The following MUC12 variants were observed in gnomAD, a reference collection of about 807,000 sequenced individuals.
MUC12 encodes mucin 12, cell surface associated.
Under a neutral mutation model 230.8 loss-of-function variants are expected in MUC12, and 172 were observed. The observed-to-expected ratio is 0.75, with a 90% confidence interval of 0.66 to 0.85. MUC12 has a LOEUF of 0.85. Among genes scored for constraint, MUC12 ranks in the 40% least tolerant of loss-of-function variants. The pLI, the probability that MUC12 is intolerant of heterozygous loss-of-function variation, is 0.00. For synonymous variants in MUC12, 1,259 were observed against 2,401.9 expected (o/e 0.52, Z 13.91); for missense variants, 3,506 against 5,920.6 (o/e 0.59, Z 13.38).
In MUC12 at chr7:101,013,067, G is replaced by C. The variant is rs534697731; in HGVS notation, c.15563G>C (p.Cys5188Ser). 6.5e-7 allele frequency: 1 copy of C among 1,537,362 alleles called. No individual in the cohort carries two copies. The highest frequency in any genetic ancestry group is 1.2e-5 in the South Asian group (1 of 84,068). ...LDGKLACVNK[C>S]TKGTKSQMNC... ...GGGAAGCTGGCCTGTGTGAACAAGTGCACCAAAGGAACGAAGTCGCAAATG... is the reference window on the plus strand; with the variant it reads ...GGGAAGCTGGCCTGTGTGAACAAGTCCACCAAAGGAACGAAGTCGCAAATG... The change falls in exon 8 of 12, where the codon TGC (cysteine) becomes TCC (serine). Residue 5188 changes from cysteine to serine, a missense_variant. Coordinates refer to ENST00000536621, the MANE Select transcript of MUC12 (RefSeq NM_001164462.2).
intron 7 of MUC12, 33 bp from the exon 8 acceptor site, chr7:101,012,947 G>A: frequency 1.3e-6 from 2 of 1,537,270 alleles, no homozygotes; most frequent in Non-Finnish European, 1.7e-6. Context: ...GCTTTGGCCA[G>A]GCTCATGCAT....
chr7:101,009,291 A>T (rs1267400578), intron 5 of MUC12, 132 bp downstream of exon 5: 4 of 875,982 alleles, frequency 4.6e-6, no homozygotes, highest in Non-Finnish European at 7.2e-6. Flanking sequence ...CCGCTAGGGA[A>T]CACTGGGGGC....
rs1198622226 is a variant in MUC12 at position 100,992,481 on chromosome 7, T to A, written c.1918T>A (p.Ser640Thr). The A allele has an allele frequency of 1.3e-6, 2 of 1,537,850 alleles. No individual in the cohort carries two copies. Among genetic ancestry groups the A allele is most frequent in the Non-Finnish European group, 1.7e-6 (2 of 1,147,024 alleles). ...TACCACATTCCATAGCTGGCCAAGC[T>A]CAAAGGACACTAGGCCTGCACCTCC... ...ESTTFHSWPS[S>T]KDTRPAPPTT... The change falls in exon 2 of 12, where the codon TCA becomes ACA. Residue 640 changes from serine (S) to threonine (T), a missense_variant. Physicochemically the swap from Ser to Thr is moderately conservative, Grantham distance 58. Transcript: ENST00000536621.
intron 1 of MUC12, among the ~76,000 whole-genome samples, chr7:100,971,181 C>CTAA: frequency 9.6e-6 from 1 of 104,212 alleles, no homozygotes; most frequent in African/African-American, 4.8e-5. Flanking sequence ...AAGAAACAAA[C>CTAA]AAAAAAAAAA....
chr7:101,004,911 C>T lies in MUC12; in HGVS notation c.14348C>T (p.Ala4783Val), dbSNP rs756234412. 4 of 1,537,766 alleles carry T rather than the reference C, an allele frequency of 2.6e-6. No homozygotes were observed. Among genetic ancestry groups the T allele is most frequent in the Non-Finnish European group, 3.5e-6 (4 of 1,147,020 alleles). The change falls in exon 2 of 12, where the codon GCC becomes GTC. Residue 4783 changes from alanine to valine, a missense_variant. Transcript: ENST00000536621. Reference protein sequence around the residue: ...AESTHTTAFPASTTTSGLSQE... With the variant: ...AESTHTTAFPVSTTTSGLSQE... ...TCAACACACACAACAGCGTTCCCTGCCAGCACCACCACCTCAGGCCTCAGT... is the reference window on the plus strand; with the variant it reads ...TCAACACACACAACAGCGTTCCCTGTCAGCACCACCACCTCAGGCCTCAGT...
chr7:101,012,220 C>T (rs895213390), intron 5 of MUC12, 76 bp from the exon 6 acceptor site: 1 of 1,483,664 alleles, frequency 6.7e-7, no homozygotes, highest in African/African-American at 1.4e-5. Flanking sequence ...TCTCCCATTA[C>T]CACTCTGGGT....
intron 3 of MUC12, among the ~76,000 whole-genome samples, chr7:101,007,825 T>C (rs1028651722): frequency 2.0e-5 from 3 of 152,134 alleles, no homozygotes; most frequent in African/African-American, 7.2e-5. Context: ...AGAGATGGAG[T>C]CTTGCTCTGT....
chr7:100,983,254 TA>T lies in MUC12; in HGVS notation c.68-7375del, dbSNP rs957188231. Among the ~76,000 whole-genome samples the T allele has an allele frequency of 4.3e-4, 66 of 151,802 alleles. 1 individual carries two copies. The highest frequency in any genetic ancestry group is 1.5e-3 in the African/African-American group (62 of 41,452). On this transcript the variant is annotated intron_variant, in intron 1 of 11. Coordinates refer to ENST00000536621, the MANE Select transcript of MUC12 (RefSeq NM_001164462.2). ...GTCCAACATGGCAAAACCACGTCTC[TA>T]ATAAAAATACAAAAAGTAGCCGGGT...
In MUC12 at chr7:101,008,655, C is replaced by T. The variant is rs1459193472; in HGVS notation, c.15080C>T (p.Ala5027Val). 10 of 1,537,126 alleles carry T rather than the reference C, an allele frequency of 6.5e-6. No individual in the cohort carries two copies. In the African/African-American group the frequency reaches 1.1e-4, roughly 17 times the overall value. Residue 5027 changes from alanine (A) to valine (V), a missense_variant, in exon 4 of 12, where the codon GCC (alanine) becomes GTC (valine). Physicochemically the swap from Ala to Val is moderately conservative, Grantham distance 64. Coordinates refer to ENST00000536621, the MANE Select transcript of MUC12 (RefSeq NM_001164462.2). Reference protein sequence around the residue: ...FPVETPEKLNATLGMTVKVTY... With the variant: ...FPVETPEKLNVTLGMTVKVTY... The stretch of plus-strand genomic sequence containing the variant: ...ACAGAAACCCCGGAAAAACTCAACG[C>T]CACTTTAGGTATGACAGTGAAAGTG...
In MUC12 at chr7:100,991,445, C is replaced by A. The variant is rs1343092691; in HGVS notation, c.882C>A (p.Thr294=). 1 of 1,537,700 alleles carries A rather than the reference C, an allele frequency of 6.5e-7. No homozygotes were observed. The highest frequency in any genetic ancestry group is 1.2e-5 in the South Asian group (1 of 84,068). The part of the protein sequence containing the change: ...SKDTSPAPSG[T]TSAFVKLSTT... ...ACACTTCGCCTGCACCTTCTGGTAC[C>A]ACATCAGCCTTTGTTAAACTATCTA... Residue 294 remains threonine (T), a synonymous_variant, in exon 2 of 12, where the codon ACC becomes ACA. Coordinates refer to ENST00000536621, the MANE Select transcript of MUC12 (RefSeq NM_001164462.2).
At chr7:100,972,136 A>G in intron 1 of MUC12, 1 of 703,560 alleles carries the variant, frequency 1.4e-6, no homozygotes, top group Non-Finnish European at 2.6e-6. Context: ...GCTGTTCACA[A>G]AGCCATTTCC....
At position 101,013,039 on chromosome 7, in the gene MUC12, G is replaced by A. The variant is rs2116359468; in HGVS notation, c.15535G>A (p.Asp5179Asn). ...CCAGTTCTACTATGTGGATGTCTTGGATGGGAAGCTGGCCTGTGTGAACAA... is the reference window on the plus strand; with the variant it reads ...CCAGTTCTACTATGTGGATGTCTTGAATGGGAAGCTGGCCTGTGTGAACAA... ...YTQFYYVDVL[D>N]GKLACVNKCT... The change falls in exon 8 of 12, where the codon GAT (aspartate) becomes AAT (asparagine). Residue 5179 changes from aspartate to asparagine, a missense_variant. Physicochemically the swap from Asp to Asn is conservative, Grantham distance 23. Transcript: ENST00000536621. 1 of 1,537,376 alleles carries A rather than the reference G, an allele frequency of 6.5e-7. No homozygotes were observed. The highest frequency in any genetic ancestry group is 8.7e-7 in the Non-Finnish European group (1 of 1,146,930).
Position 100,971,011 on chromosome 7 carries a change from C to T in MUC12, c.67+1322C>T, listed in dbSNP as rs531085605. On this transcript the variant is annotated intron_variant, in intron 1 of 11. Transcript: ENST00000536621. The stretch of plus-strand genomic sequence containing the variant: ...CTCCGTCTCAAAAAAAAAAAATTAG[C>T]TGGGCATGGTGGCACACGCCTGTAG... Among the ~76,000 whole-genome samples the T allele has an allele frequency of 1.4e-3, 207 of 151,592 alleles. 1 individual carries two copies. The highest frequency in any genetic ancestry group is 2.5e-3 in the Non-Finnish European group (169 of 67,978).
intron 1 of MUC12, among the ~76,000 whole-genome samples, chr7:100,989,942 C>T (rs1793253012): frequency 6.6e-6 from 1 of 152,172 alleles, no homozygotes; most frequent in African/African-American, 2.4e-5. Context: ...ATCCACCCAC[C>T]TCGGCCTCCC....
At chr7:101,017,691 C>G (rs991262960) in intron 11 of MUC12, 28 bp downstream of exon 11, 3 of 1,492,758 alleles carry the variant, frequency 2.0e-6, no homozygotes, top group Non-Finnish European at 2.7e-6. Flanking sequence ...TGCCCCCACC[C>G]CCTGAGGCTG....
intron 1 of MUC12, among the ~76,000 whole-genome samples, chr7:100,989,809 G>C (rs1036221282): frequency 6.6e-6 from 1 of 151,892 alleles, no homozygotes; most frequent in African/African-American, 2.4e-5. Flanking sequence ...TCATGCCCTA[G>C]CCTCCCAAGT....
rs1794002328 is a variant in MUC12, at chr7:101,018,753, T to G, written c.*117T>G. 1.8e-6 allele frequency: 2 copies of G among 1,086,304 alleles called. No homozygotes were observed. Among genetic ancestry groups the G allele is most frequent in the East Asian group, 5.8e-5 (2 of 34,626 alleles). The allele number at this position is 1,086,304 out of a possible 1,614,324, so 67.3% of individuals were successfully genotyped here. ...GACCGAAGTCAGGCCCTGAAGCCGG[T>G]CCTGCTCTGAGCTGACAGACTTGGC... is the stretch of plus-strand genomic sequence containing the variant. On this transcript the variant is annotated 3_prime_UTR_variant, in exon 12 of 12. Coordinates refer to ENST00000536621, the MANE Select transcript of MUC12 (RefSeq NM_001164462.2).
chr7:100,992,668 C>G lies in MUC12; in HGVS notation c.2105C>G (p.Pro702Arg), dbSNP rs1584832587. The change falls in exon 2 of 12, where the codon CCT (proline) becomes CGT (arginine). Residue 702 changes from proline to arginine, a missense_variant. By Grantham distance (103) the Pro-to-Arg change is moderately radical. Coordinates refer to ENST00000536621, the MANE Select transcript of MUC12 (RefSeq NM_001164462.2). ...GGCTCAACTCAAACAATGCACTTCC[C>G]TGAAAGCGACACAACTTCAGGCCGT... ...SPGSTQTMHF[P>R]ESDTTSGRGE... is the part of the protein sequence containing the mutation. 6.5e-7 allele frequency: 1 copy of G among 1,536,646 alleles called. No homozygotes were observed. The highest frequency in any genetic ancestry group is 1.4e-5 in the African/African-American group (1 of 72,506).
chr7:100,972,917 C>T (rs770832856), intron 1 of MUC12: 32 of 702,910 alleles, frequency 4.6e-5, no homozygotes, highest in Middle Eastern at 2.3e-4. Context: ...GGGAAGAGCA[C>T]TCTGAGAAGG....
Sources: gnomAD v4.1 joint callset for allele counts (sites outside exome capture counted in the v4.1 genomes callset) on GRCh38, gnomAD v4.1.1 for gene constraint, MANE v1.5 for transcripts, NCBI Gene and HGNC (gene_info 2026-07-23, HGNC 2026-07-21) for gene names.